Variants in EPHB2 observed in about 807,000 individuals in gnomAD.
EPHB2 encodes the protein ephrin type-B receptor 2.
Under a neutral mutation model 96.4 loss-of-function variants are expected in EPHB2, and 18 were observed. That is an observed-to-expected ratio of 0.19 (90% CI 0.13 to 0.28). EPHB2 has a LOEUF of 0.28. EPHB2 is among the 10% of genes least tolerant of loss of function. The pLI, the probability that EPHB2 is intolerant of heterozygous loss-of-function variation, is 1.00. For missense variants in EPHB2, 989 were observed against 1,355.4 expected (o/e 0.73, Z 4.25); for synonymous variants, 506 against 534.1 (o/e 0.95, Z 0.72).
At chr1:22,837,050 A>G (rs562421162) in intron 3 of EPHB2, among the ~76,000 whole-genome samples, 84 of 152,018 alleles carry the variant, frequency 5.5e-4, no homozygotes, top group Non-Finnish European at 1.0e-3. Context: ...ACGGCGGGGG[A>G]GGGGGGCCTG....
intron 5 of EPHB2, among the ~76,000 whole-genome samples, chr1:22,870,005 G>A (rs761756602): frequency 5.3e-5 from 8 of 152,180 alleles, no homozygotes; most frequent in Non-Finnish European, 1.0e-4. Flanking sequence ...GGAGAAGCGT[G>A]GGGTGAGGTG....
At chr1:22,772,489 G>A (rs12410046) in intron 1 of EPHB2, among the ~76,000 whole-genome samples, 14,384 of 152,234 alleles carry the variant, frequency 0.094, 1,263 homozygotes, top group East Asian at 0.46. Flanking sequence ...GCAGGGGGCC[G>A]AGGTAGAAAA....
Position 22,802,126 on chromosome 1 carries a change from G to A in EPHB2, c.811+17050G>A, listed in dbSNP as rs535913818. Among the ~76,000 whole-genome samples the A allele has an allele frequency of 2.9e-3, 448 of 152,188 alleles. 2 individuals are homozygous for A. Among genetic ancestry groups the A allele is most frequent in the Non-Finnish European group, 4.9e-3 (334 of 68,000 alleles). ...AGGCAGAGAGTGGAGGAGGGGGCCC[G>A]CCCAGTGTTGAATCCAGCTTGGGGA... On this transcript the variant is annotated intron_variant, in intron 3 of 15. Transcript: ENST00000374630.
At chr1:22,732,362 C>G (rs1643736892) in intron 1 of EPHB2, among the ~76,000 whole-genome samples, 1 of 149,774 alleles carries the variant, frequency 6.7e-6, no homozygotes. Flanking sequence ...GAGGCAGAGG[C>G]AGCAGGGTTT....
chr1:22,756,174 G>A (rs35001652), intron 1 of EPHB2, among the ~76,000 whole-genome samples: 65,821 of 151,920 alleles, frequency 0.43, 15,127 homozygotes, highest in East Asian at 0.9. Context: ...CAGGAATTCC[G>A]TGGGAAGAAG....
At chr1:22,754,988 T>C (rs1157556184) in intron 1 of EPHB2, among the ~76,000 whole-genome samples, 1 of 135,756 alleles carries the variant, frequency 7.4e-6, no homozygotes, top group Non-Finnish European at 1.6e-5. Context: ...GCCTGTGCCC[T>C]AGAGACAGCT....
intron 14 of EPHB2, among the ~76,000 whole-genome samples, chr1:22,912,157 TGGCCATCCCTGCA>T (rs1371053000): frequency 6.6e-6 from 1 of 152,174 alleles, no homozygotes; most frequent in Non-Finnish European, 1.5e-5. Flanking sequence ...TCCAGCCTCT[TGGCCATCCCTGCA>T]GTGCCTTCCC....
Position 22,727,193 on chromosome 1 carries a change from G to C in EPHB2, c.61+16150G>C, listed in dbSNP as rs149826429. Among the ~76,000 whole-genome samples the C allele has an allele frequency of 4.6e-5, 7 of 152,330 alleles. No individual in the cohort carries two copies. The East Asian group carries it at 1.3e-3, about 29-fold the overall frequency. On this transcript the variant is annotated intron_variant, in intron 1 of 15. Transcript: ENST00000374630. Reference sequence around the variant, plus strand: ...CAGAGCAGGGAGAGGCAAGCTGGAGGCCAGGAGGGGCTATATGGGCCTAGC... The same window carrying C: ...CAGAGCAGGGAGAGGCAAGCTGGAGCCCAGGAGGGGCTATATGGGCCTAGC...
In EPHB2 at chr1:22,737,054, A is replaced by G. The variant is rs1468736529; in HGVS notation, c.61+26011A>G. ...ACGAGGAATCTTGGGCAAGTCATCC[A>G]GTGCTTCCGTTTCTAATCTGGCTGC... On this transcript the variant is annotated intron_variant, in intron 1 of 15. Transcript: ENST00000374630. Among the ~76,000 whole-genome samples, 3 of 152,306 alleles carry G rather than the reference A, an allele frequency of 2.0e-5. No homozygotes were observed. In the East Asian group the frequency reaches 5.8e-4, roughly 29 times the overall value.
rs574196546 is a variant in EPHB2 at position 22,841,465 on chromosome 1, G to A, written c.812-21572G>A. Among the ~76,000 whole-genome samples the A allele has an allele frequency of 3.9e-5, 6 of 152,198 alleles. No individual in the cohort carries two copies. The South Asian group carries it at 1.2e-3, about 32-fold the overall frequency. On this transcript the variant is annotated intron_variant, in intron 3 of 15. Coordinates refer to ENST00000374630, the MANE Select transcript of EPHB2 (RefSeq NM_017449.5). The stretch of plus-strand genomic sequence containing the variant: ...CAACTCCAAGCCAGTGGGGACCTTG[G>A]CCCACTTCTGCCACCAACACCCCAT...
At chr1:22,714,089 G>A (rs1161171531) in intron 1 of EPHB2, among the ~76,000 whole-genome samples, 2 of 152,126 alleles carry the variant, frequency 1.3e-5, no homozygotes, top group East Asian at 1.9e-4. Flanking sequence ...TCCAAATATC[G>A]ATAGAGTTTC....
At chr1:22,883,200 G>A (rs929972542) in intron 6 of EPHB2, among the ~76,000 whole-genome samples, 3 of 152,342 alleles carry the variant, frequency 2.0e-5, no homozygotes, top group East Asian at 1.9e-4. Context: ...TGCAGGTTAC[G>A]GAGAAAAGGC....
At chr1:22,911,055 G>A (rs1002912370) in intron 14 of EPHB2, among the ~76,000 whole-genome samples, 8 of 151,944 alleles carry the variant, frequency 5.3e-5, no homozygotes, top group East Asian at 1.9e-4. Context: ...CAGGAGAATC[G>A]CTTGAACCCA....
chr1:22,879,645 C>G (rs1281117992), intron 5 of EPHB2, among the ~76,000 whole-genome samples: 1 of 152,226 alleles, frequency 6.6e-6, no homozygotes, highest in Non-Finnish European at 1.5e-5. Context: ...CTGTGCCTCT[C>G]TGAGCCTCTT....
chr1:22,890,896 C>T (rs560691981), intron 6 of EPHB2, among the ~76,000 whole-genome samples: 2 of 152,250 alleles, frequency 1.3e-5, no homozygotes, highest in East Asian at 3.9e-4. Context: ...TGAGGCCTCC[C>T]CAGGCATGAG....
At chr1:22,791,471 CTTT>C (rs55650452) in intron 3 of EPHB2, among the ~76,000 whole-genome samples, 81 of 92,868 alleles carry the variant, frequency 8.7e-4, no homozygotes, top group African/African-American at 2.1e-3. Flanking sequence ...TTCTTTCTTT[CTTT>C]TTTTTTTTTT....
At chr1:22,842,802 CCT>C (rs1645488955) in intron 3 of EPHB2, among the ~76,000 whole-genome samples, 1 of 152,056 alleles carries the variant, frequency 6.6e-6, no homozygotes, top group Admixed American at 6.6e-5. Context: ...CATTCTGTTC[CCT>C]CTGCCTGGAA....
intron 3 of EPHB2, among the ~76,000 whole-genome samples, chr1:22,851,774 G>A (rs1429262531): frequency 3.9e-5 from 6 of 152,292 alleles, no homozygotes; most frequent in East Asian, 3.9e-4. Flanking sequence ...CTCTCTGCAC[G>A]CACACCATGC....
At chr1:22,907,656 C>G (rs905208918) in intron 11 of EPHB2, among the ~76,000 whole-genome samples, 13 of 152,232 alleles carry the variant, frequency 8.5e-5, no homozygotes, top group African/African-American at 3.1e-4. Flanking sequence ...ATTTAACACA[C>G]AGATGAGGAA....
Sources: allele counts gnomAD v4.1 joint callset (sites outside exome capture counted in the v4.1 genomes callset), GRCh38; gene constraint gnomAD v4.1.1; transcripts MANE v1.5; gene names NCBI Gene and HGNC (gene_info 2026-07-23, HGNC 2026-07-21).